The following WDR45B variants were observed in gnomAD, a reference collection of about 807,000 sequenced individuals.
The protein encoded by WDR45B is WD repeat domain phosphoinositide-interacting protein 3.
Under a neutral mutation model 44.6 loss-of-function variants are expected in WDR45B, and 20 were observed. That is an observed-to-expected ratio of 0.45 (90% confidence interval 0.32 to 0.65). The LOEUF is 0.65. Ranked by LOEUF, WDR45B falls within the 30% of genes least tolerant of loss-of-function variation. The pLI, the probability that WDR45B is intolerant of heterozygous loss-of-function variation, is 0.05. For missense variants in WDR45B, 323 were observed against 430.2 expected (o/e 0.75, Z 2.20); for synonymous variants, 169 against 164.9 (o/e 1.02, Z -0.19).
intron 1 of WDR45B, among the ~76,000 whole-genome samples, chr17:82,648,027 CG>C (rs2046003804): frequency 7.1e-6 from 1 of 141,416 alleles, no homozygotes; most frequent in African/African-American, 2.6e-5. Context: ...GGTCACAACC[CG>C]GGGGGTGGGG....
intron 3 of WDR45B, chr17:82,629,612 AT>A (rs2045742295): frequency 1.0e-6 from 1 of 985,204 alleles, no homozygotes; most frequent in East Asian, 1.1e-4. Flanking sequence ...ATCTCTTCCC[AT>A]TTCATTTCTC....
chr17:82,631,082 AAAAG>A, intron 2 of WDR45B, 60 bp from the exon 3 acceptor site: 15 of 1,529,434 alleles, frequency 9.8e-6, no homozygotes, highest in Non-Finnish European at 1.3e-5. Flanking sequence ...TTTACAATAA[AAAAG>A]AAAAGAGAAA....
chr17:82,629,670 C>A, intron 3 of WDR45B: 1 of 985,418 alleles, frequency 1.0e-6, no homozygotes, highest in Non-Finnish European at 1.2e-6. Flanking sequence ...CAGGGCCAGT[C>A]CTCACCCGAG....
chr17:82,640,705 CTG>C (rs2045903096), intron 2 of WDR45B, among the ~76,000 whole-genome samples: 1 of 152,152 alleles, frequency 6.6e-6, no homozygotes. Context: ...CAGAGCCAAA[CTG>C]TTTAAATGTG....
chr17:82,615,483 G>T lies in WDR45B; in HGVS notation c.*436C>A. 4.2e-6 allele frequency: 1 copy of T among 238,364 alleles called. No homozygotes were observed. The highest frequency in any genetic ancestry group is 2.2e-5 in the African/African-American group (1 of 44,868). The allele number at this position is 238,364 out of a possible 1,614,324, so 14.8% of individuals were successfully genotyped here. ...GTGTTGTATTCAATCTGCTTATCAT[G>T]TAAGAACTTACATCTGCACACTTGT... On this transcript the variant is annotated 3_prime_UTR_variant, in exon 10 of 10. Coordinates refer to ENST00000392325, the MANE Select transcript of WDR45B (RefSeq NM_019613.4).
At chr17:82,637,916 G>A (rs987058137) in intron 2 of WDR45B, among the ~76,000 whole-genome samples, 7 of 151,564 alleles carry the variant, frequency 4.6e-5, no homozygotes, top group African/African-American at 1.5e-4. Flanking sequence ...GTTAATGCCT[G>A]TAATCCCAGC....
At chr17:82,618,307 C>T (rs529592316) in intron 7 of WDR45B, among the ~76,000 whole-genome samples, 15 of 152,346 alleles carry the variant, frequency 9.8e-5, no homozygotes, top group Admixed American at 7.8e-4. Flanking sequence ...GCCTCCTGGC[C>T]GTGGCCACAG....
intron 2 of WDR45B, among the ~76,000 whole-genome samples, chr17:82,635,588 A>G (rs1390087348): frequency 2.6e-5 from 4 of 151,410 alleles, no homozygotes; most frequent in Non-Finnish European, 5.9e-5. Flanking sequence ...ACACCCAGCT[A>G]ATTTTTGTAT....
chr17:82,631,751 C>G (rs1001645610), intron 2 of WDR45B, among the ~76,000 whole-genome samples: 4 of 151,534 alleles, frequency 2.6e-5, no homozygotes, highest in African/African-American at 9.7e-5. Context: ...AGGAAGCTAA[C>G]TCAGCAAAAT....
chr17:82,617,807 G>A (rs2045559122), intron 7 of WDR45B, among the ~76,000 whole-genome samples: 1 of 152,246 alleles, frequency 6.6e-6, no homozygotes, highest in Non-Finnish European at 1.5e-5. Flanking sequence ...GGTCAGCTGG[G>A]CTGGGGCAGG....
At chr17:82,620,433 A>C (rs1206897290) in intron 6 of WDR45B, among the ~76,000 whole-genome samples, 1 of 149,256 alleles carries the variant, frequency 6.7e-6, no homozygotes, top group East Asian at 1.9e-4. Context: ...ACTCAATCTC[A>C]AAAAACAAAA....
intron 6 of WDR45B, 25 bp from the exon 7 acceptor site, chr17:82,619,153 AT>A: frequency 6.2e-7 from 1 of 1,606,064 alleles, no homozygotes; most frequent in Non-Finnish European, 8.5e-7. Flanking sequence ...GAAGTGTTTC[AT>A]TATCAAAGAT....
intron 5 of WDR45B, among the ~76,000 whole-genome samples, chr17:82,623,649 G>A (rs1160625133): frequency 6.7e-6 from 1 of 149,556 alleles, no homozygotes; most frequent in Non-Finnish European, 1.5e-5. Context: ...AGTGAGCCGA[G>A]ATCATGCCAC....
At position 82,617,612 on chromosome 17, in the gene WDR45B, G is replaced by A. The variant is rs537197944; in HGVS notation, c.705-215C>T. 403 of 588,796 alleles carry A rather than the reference G, an allele frequency of 6.8e-4. 5 individuals are homozygous for A. Among genetic ancestry groups the A allele is most frequent in the African/African-American group, 1.7e-3 (91 of 53,656 alleles). The allele number at this position is 588,796 out of a possible 1,614,324, so 36.5% of individuals were successfully genotyped here. On this transcript the variant is annotated intron_variant, in intron 7 of 9. Transcript: ENST00000392325. ...CCACAGCCACAATCCAGTGTATCACGGCAAGTTTTCCTTGGGTGCCCCACA... is the reference window on the plus strand; with the variant it reads ...CCACAGCCACAATCCAGTGTATCACAGCAAGTTTTCCTTGGGTGCCCCACA...
intron 2 of WDR45B, among the ~76,000 whole-genome samples, chr17:82,642,315 C>A (rs1388067566): frequency 6.6e-6 from 1 of 152,170 alleles, no homozygotes; most frequent in Non-Finnish European, 1.5e-5. Flanking sequence ...GTGAACGGCA[C>A]ACGCGAGGGA....
At chr17:82,638,115 G>A (rs972617327) in intron 2 of WDR45B, among the ~76,000 whole-genome samples, 5 of 147,186 alleles carry the variant, frequency 3.4e-5, no homozygotes, top group Non-Finnish European at 7.4e-5. Flanking sequence ...GAACCCATGA[G>A]GTGGAGGTTG....
chr17:82,617,191 G>A, intron 8 of WDR45B, 105 bp downstream of exon 8: 1 of 1,012,852 alleles, frequency 9.9e-7, no homozygotes, highest in Non-Finnish European at 1.5e-6. Context: ...TATGAGGTCT[G>A]TCCACACCAC....
chr17:82,617,595 A>G, intron 7 of WDR45B, 198 bp from the exon 8 acceptor site: 1 of 634,728 alleles, frequency 1.6e-6, no homozygotes. Context: ...AGCCACAGCC[A>G]CAATCCAGTG....
chr17:82,629,604 C>G, intron 3 of WDR45B: 2 of 985,404 alleles, frequency 2.0e-6, no homozygotes, highest in South Asian at 4.7e-5. Flanking sequence ...TACCGATAAT[C>G]TCTTCCCATT....
Sources: allele counts gnomAD v4.1 joint callset (sites outside exome capture counted in the v4.1 genomes callset), GRCh38; gene constraint gnomAD v4.1.1; transcripts MANE v1.5; gene names NCBI Gene and HGNC (gene_info 2026-07-23, HGNC 2026-07-21).